KANK1: variants seen among roughly 807,000 people sequenced by gnomAD.
KANK1 encodes KN motif and ankyrin repeat domains 1.
A neutral mutation model predicts 106.2 loss-of-function variants in KANK1; 109 were observed. That is an observed-to-expected ratio of 1.03 (90% CI 0.88 to 1.20). The LOEUF (loss-of-function observed/expected upper bound fraction) is 1.20, where lower values mean the gene tolerates loss of function less well. Ranked by LOEUF, KANK1 falls within the 50% of genes most tolerant of loss-of-function variation. The pLI is 0.00. For synonymous variants in KANK1, 873 were observed against 652.2 expected (o/e 1.34, Z -5.16); for missense variants, 2,399 against 1,710.7 (o/e 1.40, Z -7.10).
intron 2 of KANK1, among the ~76,000 whole-genome samples, chr9:699,983 A>G (rs981464169): frequency 6.6e-5 from 10 of 152,166 alleles, no homozygotes; most frequent in African/African-American, 2.4e-4. Context: ...CCCTGTCTCT[A>G]AAAGAATGAA....
At chr9:505,298 G>T (rs965554403) in intron 1 of KANK1, among the ~76,000 whole-genome samples, 127 of 152,226 alleles carry the variant, frequency 8.3e-4, no homozygotes, top group African/African-American at 3.0e-3. Context: ...GTGGCCTCGG[G>T]TCGCCCTCCG....
At chr9:535,770 G>A (rs564638175) in intron 1 of KANK1, among the ~76,000 whole-genome samples, 2 of 152,250 alleles carry the variant, frequency 1.3e-5, no homozygotes, top group African/African-American at 4.8e-5. Context: ...TATTCTCTAA[G>A]GCTATTTATG....
chr9:740,757 C>T (rs760911866), intron 8 of KANK1, 35 bp from the exon 9 acceptor site: 6 of 1,590,526 alleles, frequency 3.8e-6, no homozygotes, highest in Non-Finnish European at 5.1e-6. Flanking sequence ...GAAGGGGCTG[C>T]TTCCTAAGAG....
chr9:476,606 A>G (rs1303166093), intron 3 of KANK1: 4 of 152,164 alleles, frequency 2.6e-5, no homozygotes, highest in Admixed American at 6.5e-5. Flanking sequence ...CATCTCACCC[A>G]GGATCTCCTG....
intron 1 of KANK1, among the ~76,000 whole-genome samples, chr9:524,835 G>A (rs907455395): frequency 6.6e-6 from 1 of 151,452 alleles, no homozygotes; most frequent in Non-Finnish European, 1.5e-5. Flanking sequence ...GTTTTGATCA[G>A]TGTTCTGAAA....
rs375384329 is a variant in KANK1, at chr9:729,944, G to A, written c.2699-107G>A. On this transcript the variant is annotated intron_variant, in intron 3 of 11. Coordinates refer to ENST00000382297, the MANE Select transcript of KANK1 (RefSeq NM_015158.5). ...AAGGGGCTTCTGAGTTTTGGTGGCT[G>A]GGATAATAGTCCCATTTTAAATTAT... 3 of 959,014 alleles carry A rather than the reference G, an allele frequency of 3.1e-6. No homozygotes were observed. In the South Asian group the frequency reaches 5.1e-5, roughly 16 times the overall value. The allele number at this position is 959,014 out of a possible 1,614,324, so 59.4% of individuals were successfully genotyped here. A position where few individuals can be genotyped will look rare whatever the true frequency, so the allele number is the denominator to read the frequency against.
At chr9:619,881 A>G (rs142908690) in intron 1 of KANK1, among the ~76,000 whole-genome samples, 17 of 152,082 alleles carry the variant, frequency 1.1e-4, no homozygotes, top group Admixed American at 2.6e-4. Context: ...TCACGCTTGT[A>G]ATCCCAGCAT....
chr9:488,220 G>C (rs1271353081), intron 3 of KANK1, among the ~76,000 whole-genome samples: 1 of 152,210 alleles, frequency 6.6e-6, no homozygotes, highest in East Asian at 1.9e-4. Flanking sequence ...TTTTGATTGA[G>C]GCTGAGGTTT....
chr9:665,084 G>A (rs1468152331), intron 1 of KANK1, among the ~76,000 whole-genome samples: 1 of 152,144 alleles, frequency 6.6e-6, no homozygotes, highest in Non-Finnish European at 1.5e-5. Context: ...CAGATGGGTA[G>A]TTTGCAAATA....
chr9:676,778 C>G (rs1038723013), intron 1 of KANK1, 112 bp from the exon 2 acceptor site: 5 of 522,916 alleles, frequency 9.6e-6, no homozygotes, highest in African/African-American at 1.9e-5. Flanking sequence ...TTTCTCCCCC[C>G]ATTCCGATTT....
intron 1 of KANK1, among the ~76,000 whole-genome samples, chr9:629,580 T>C (rs1246526943): frequency 6.6e-6 from 1 of 152,180 alleles, no homozygotes; most frequent in Non-Finnish European, 1.5e-5. Flanking sequence ...AAATAAATTA[T>C]AAACATCCAA....
chr9:470,761 T>G (rs2058004135), intron 2 of KANK1: 1 of 152,408 alleles, frequency 6.6e-6, no homozygotes, highest in Non-Finnish European at 1.5e-5. Context: ...CATTCAGCAC[T>G]TACTTCTGGA....
At chr9:562,903 A>C (rs1431249126) in intron 1 of KANK1, among the ~76,000 whole-genome samples, 1 of 152,140 alleles carries the variant, frequency 6.6e-6, no homozygotes, top group African/African-American at 2.4e-5. Context: ...TTAGCATTTC[A>C]TTGTTTTATT....
At chr9:725,527 T>A (rs1830430207) in intron 3 of KANK1, among the ~76,000 whole-genome samples, 1 of 151,142 alleles carries the variant, frequency 6.6e-6, no homozygotes, top group African/African-American at 2.4e-5. Flanking sequence ...TTAGATGATC[T>A]CTAATGCCTT....
At chr9:596,053 C>T (rs1489901312) in intron 1 of KANK1, among the ~76,000 whole-genome samples, 1 of 151,680 alleles carries the variant, frequency 6.6e-6, no homozygotes, top group East Asian at 1.9e-4. Flanking sequence ...TCATATACAC[C>T]TTATATACAA....
intron 1 of KANK1, among the ~76,000 whole-genome samples, chr9:537,361 C>G (rs997477100): frequency 3.3e-5 from 5 of 152,118 alleles, no homozygotes; most frequent in African/African-American, 1.2e-4. Flanking sequence ...GTTAGCCTGT[C>G]AGGCCCTCAC....
chr9:555,374 C>T (rs2061520370), intron 1 of KANK1, among the ~76,000 whole-genome samples: 1 of 149,376 alleles, frequency 6.7e-6, no homozygotes, highest in Non-Finnish European at 1.5e-5. Context: ...CTTAGATGTG[C>T]AAACTGTGCA....
chr9:653,418 A>AT (rs1187729674), intron 1 of KANK1, among the ~76,000 whole-genome samples: 3 of 151,876 alleles, frequency 2.0e-5, no homozygotes, highest in East Asian at 1.9e-4. Context: ...AGGTAAGAGA[A>AT]TTTTTTTTGT....
At chr9:546,350 C>G (rs2060927803) in intron 1 of KANK1, among the ~76,000 whole-genome samples, 1 of 151,928 alleles carries the variant, frequency 6.6e-6, no homozygotes, top group South Asian at 2.1e-4. Context: ...GCCAGAGATG[C>G]TGCTAAACAC....
Sources: allele counts gnomAD v4.1 joint callset (sites outside exome capture counted in the v4.1 genomes callset), GRCh38; gene constraint gnomAD v4.1.1; transcripts MANE v1.5; gene names NCBI Gene and HGNC (gene_info 2026-07-23, HGNC 2026-07-21).